Variants in SUPT6H observed in about 807,000 individuals in gnomAD.
SUPT6H encodes the protein transcription elongation factor SPT6.
A neutral mutation model predicts 222.3 loss-of-function variants in SUPT6H; 11 were observed. The ratio of observed to expected loss-of-function variants is 0.05; its 90% CI spans 0.03 to 0.08. SUPT6H has a LOEUF of 0.08. SUPT6H is among the 10% of genes least tolerant of loss of function. The pLI, the probability that SUPT6H is intolerant of heterozygous loss-of-function variation, is 1.00. For missense variants in SUPT6H, 1,422 were observed against 2,216.0 expected (o/e 0.64, Z 7.19); for synonymous variants, 762 against 801.2 (o/e 0.95, Z 0.83).
At chr17:28,681,483 A>C (rs2031100084) in intron 12 of SUPT6H, 79 bp downstream of exon 12, 2 of 1,491,596 alleles carry the variant, frequency 1.3e-6, no homozygotes, top group African/African-American at 2.8e-5. Flanking sequence ...GCATTTTCAG[A>C]TGCTAAGGTG....
intron 1 of SUPT6H, among the ~76,000 whole-genome samples, chr17:28,672,412 CTTTT>C (rs994806723): frequency 1.3e-5 from 2 of 150,652 alleles, no homozygotes; most frequent in South Asian, 4.2e-4. Flanking sequence ...TTTTTCTTTT[CTTTT>C]TTTTTCTTTT....
rs956061574 is a variant in SUPT6H, at chr17:28,690,963, G to A, written c.3533G>A (p.Arg1178His). 13 of 1,613,996 alleles carry A rather than the reference G, an allele frequency of 8.1e-6. No individual in the cohort carries two copies. The highest frequency in any genetic ancestry group is 1.3e-5 in the African/African-American group (1 of 75,024). Residue 1178 changes from arginine (R) to histidine (H), a missense_variant, in exon 27 of 37, where the codon CGT becomes CAT. Arg to His is a conservative substitution (Grantham distance 29). Around this residue, in one of 13 missense-constraint regions of SUPT6H, gnomAD observed 60 missense variants for 96.7 expected, o/e 0.62. Transcript: ENST00000314616. ...ICNVTGIAHR[R>H]PQGESYDQAI... ...AATGTCACTGGCATTGCCCACAGGC[G>A]TCCCCAGGGTGAGAGCTATGACCAG...
intron 11 of SUPT6H, among the ~76,000 whole-genome samples, chr17:28,680,509 C>G (rs1683602729): frequency 6.6e-6 from 1 of 151,890 alleles, no homozygotes; most frequent in African/African-American, 2.4e-5. Flanking sequence ...GCAGGAGAAT[C>G]TCTTAAACCC....
At chr17:28,686,074 A>G (rs1168774864) in intron 19 of SUPT6H, among the ~76,000 whole-genome samples, 1 of 152,196 alleles carries the variant, frequency 6.6e-6, no homozygotes, top group Non-Finnish European at 1.5e-5. Flanking sequence ...TACAATAAAA[A>G]AGAACGGTTT....
At position 28,695,342 on chromosome 17, in the gene SUPT6H, G is replaced by A. The variant is rs368538055; in HGVS notation, c.3775-10G>A. On this transcript the variant is annotated splice_polypyrimidine_tract_variant and intron_variant, in intron 28 of 36. Coordinates refer to ENST00000314616, the MANE Select transcript of SUPT6H (RefSeq NM_003170.5). ...TTGTCCCTTCCAGCTCAAATGTTCT[G>A]TGGATCTAGGTGGGAATGACTGTTC... 2.5e-5 allele frequency: 41 copies of A among 1,610,652 alleles called. No individual in the cohort carries two copies. The African/African-American group carries it at 3.6e-4, about 14-fold the overall frequency.
chr17:28,688,060 T>C lies in SUPT6H; in HGVS notation c.3007-31T>C. 1 of 1,572,728 alleles carries C rather than the reference T, an allele frequency of 6.4e-7. No individual in the cohort carries two copies. Among genetic ancestry groups the C allele is most frequent in the Non-Finnish European group, 8.6e-7 (1 of 1,156,768 alleles). ...GTCTGGGGAGGTGGGGCCTGCTTAC[T>C]GCCCTGGCTCAGTCCAGCTCTCTCC... is the stretch of plus-strand genomic sequence containing the variant. On this transcript the variant is annotated intron_variant, in intron 23 of 36. Transcript: ENST00000314616. The surrounding 1 kb of genome is among the most constrained non-coding windows in gnomAD (Gnocchi z 4.3).
chr17:28,684,048 A>G (rs918074725), intron 17 of SUPT6H, among the ~76,000 whole-genome samples: 2 of 152,046 alleles, frequency 1.3e-5, no homozygotes, highest in African/African-American at 4.8e-5. Context: ...TTAGTATAAA[A>G]TAACATGGTT....
At chr17:28,691,531 A>AG (rs2031641532) in intron 27 of SUPT6H, 1 of 154,464 alleles carries the variant, frequency 6.5e-6, no homozygotes, top group African/African-American at 2.4e-5. Flanking sequence ...ATCTCAGAAA[A>AG]GGAAAAAAAA....
At chr17:28,690,787 TAAATA>T in intron 26 of SUPT6H, 129 bp from the exon 27 acceptor site, 2 of 1,030,636 alleles carry the variant, frequency 1.9e-6, no homozygotes, top group Non-Finnish European at 2.7e-6. Context: ...AATAAATAAA[TAAATA>T]AAAATCGGGA....
chr17:28,674,468 G>A, intron 3 of SUPT6H, 27 bp downstream of exon 3: 3 of 1,614,192 alleles, frequency 1.9e-6, no homozygotes, highest in Non-Finnish European at 2.5e-6. Flanking sequence ...TGGCTCAAGT[G>A]AGGCTTGGGT....
intron 1 of SUPT6H, among the ~76,000 whole-genome samples, chr17:28,667,639 ATGTT>A (rs1390660534): frequency 6.6e-6 from 1 of 150,976 alleles, no homozygotes; most frequent in Non-Finnish European, 1.5e-5. Context: ...CCACGCCTAA[ATGTT>A]TGCTCATGTT....
intron 29 of SUPT6H, 60 bp downstream of exon 29, chr17:28,695,607 G>T: frequency 1.3e-6 from 2 of 1,539,440 alleles, no homozygotes; most frequent in Non-Finnish European, 1.8e-6. Context: ...CCCAGTGCAG[G>T]ATTCAGGCCA....
chr17:28,682,756 C>T lies in SUPT6H; in HGVS notation c.1627C>T (p.Pro543Ser). 6.2e-7 allele frequency: 1 copy of T among 1,614,192 alleles called. No individual in the cohort carries two copies. ...CCTGGCCAAAAAGTTTGGGCTTACT[C>T]CCGAGCAGTTTGGGGAGAACCTGCG... ...DGLAKKFGLT[P>S]EQFGENLRDS... Residue 543 changes from proline to serine, a missense_variant, in exon 14 of 37, where the codon CCC (proline) becomes TCC (serine). Pro to Ser is a moderately conservative substitution (Grantham distance 74, BLOSUM62 -1). Transcript: ENST00000314616.
Position 28,683,435 on chromosome 17 carries a change from C to G in SUPT6H, c.2033+13C>G. On this transcript the variant is annotated intron_variant, in intron 16 of 36. Transcript: ENST00000314616. Reference sequence around the variant, plus strand: ...AGGGAGTGGAAGGGTAAGCAGAGCCCTGGGCTGGCGACTCTCTGGGGAAGG... The same window carrying G: ...AGGGAGTGGAAGGGTAAGCAGAGCCGTGGGCTGGCGACTCTCTGGGGAAGG... 6.2e-7 allele frequency: 1 copy of G among 1,613,602 alleles called. No homozygotes were observed. The highest frequency in any genetic ancestry group is 8.5e-7 in the Non-Finnish European group (1 of 1,179,702).
At chr17:28,682,911 T>C (rs1410390203) in intron 14 of SUPT6H, 31 bp from the exon 15 acceptor site, 2 of 1,612,746 alleles carry the variant, frequency 1.2e-6, no homozygotes, top group South Asian at 1.1e-5. Context: ...CACAACACCC[T>C]GGTCCTGTAG....
intron 27 of SUPT6H, among the ~76,000 whole-genome samples, chr17:28,692,123 A>G (rs1306053236): frequency 1.7e-4 from 26 of 150,290 alleles, no homozygotes; most frequent in African/African-American, 6.1e-4. Context: ...GGAGATCGAG[A>G]CCATCCTGGC....
chr17:28,692,860 G>T lies in SUPT6H; in HGVS notation c.3634-836G>T, dbSNP rs909268629. ...ACTAAAAATACAAAAAATTAGCTGG[G>T]CATGGTGGCGGGCGCTTGTAGTCCC... On this transcript the variant is annotated intron_variant, in intron 27 of 36. Coordinates refer to ENST00000314616, the MANE Select transcript of SUPT6H (RefSeq NM_003170.5). 4.1e-5 allele frequency among the ~76,000 whole-genome samples: 6 copies of T among 147,350 alleles called. 2 individuals carry two copies. The highest frequency in any genetic ancestry group is 4.1e-4 in the Admixed American group (6 of 14,738).
chr17:28,682,538 C>G (rs1022354982), intron 13 of SUPT6H, among the ~76,000 whole-genome samples, 189 bp from the exon 14 acceptor site: 1 of 152,116 alleles, frequency 6.6e-6, no homozygotes, highest in South Asian at 2.1e-4. Context: ...GGAGGATCAC[C>G]TGAGCCCAGG....
intron 32 of SUPT6H, among the ~76,000 whole-genome samples, chr17:28,698,949 G>A (rs936049993): frequency 3.9e-5 from 6 of 152,196 alleles, no homozygotes; most frequent in Non-Finnish European, 8.8e-5. Flanking sequence ...AACTGGTGGC[G>A]GGGGTGGGGG....
Sources: allele counts gnomAD v4.1 joint callset (sites outside exome capture counted in the v4.1 genomes callset), GRCh38; gene constraint gnomAD v4.1.1; regional missense constraint gnomAD v4.1.1; non-coding constraint Gnocchi (gnomAD v3.1); transcripts MANE v1.5; gene names NCBI Gene and HGNC (gene_info 2026-07-23, HGNC 2026-07-21).